Variants in UNC80 observed in about 807,000 individuals in gnomAD.
UNC80 encodes the protein unc-80 subunit of NALCN channel complex, also known as protein unc-80 homolog.
In UNC80, 164 loss-of-function variants were observed where a neutral mutation model predicts 384.6. The ratio of observed to expected loss-of-function variants is 0.43; its 90% confidence interval spans 0.38 to 0.49. UNC80 has a LOEUF of 0.49. UNC80 is among the 20% of genes least tolerant of loss of function. The pLI, the probability that UNC80 is intolerant of heterozygous loss-of-function variation, is 0.00. For missense variants in UNC80, 3,330 were observed against 4,143.0 expected, an observed-to-expected ratio of 0.80 and a Z score of 5.39; for synonymous variants, 1,486 against 1,527.8, an observed-to-expected ratio of 0.97 and a Z score of 0.64.
intron 5 of UNC80, among the ~76,000 whole-genome samples, chr2:209,787,158 A>AT (rs1559088597): frequency 1.2e-4 from 19 of 152,210 alleles, no homozygotes; most frequent in East Asian, 5.8e-4. Flanking sequence ...CTAAGAAACC[A>AT]GACTCAGCTT....
At chr2:209,879,705 G>T (rs1451772120) in intron 24 of UNC80, among the ~76,000 whole-genome samples, 1 of 152,112 alleles carries the variant, frequency 6.6e-6, no homozygotes, top group African/African-American at 2.4e-5. Flanking sequence ...CTGATTTTTA[G>T]TTCCACTTTC....
At position 209,996,887 on chromosome 2, in the gene UNC80, T is replaced by C. The variant is rs974203995; in HGVS notation, c.*1292T>C. The C allele has an allele frequency of 6.6e-6, 1 of 152,102 alleles. No homozygotes were observed. The highest frequency in any genetic ancestry group is 1.5e-5 in the Non-Finnish European group (1 of 68,002). The allele number at this position is 152,102 out of a possible 1,614,324, so 9.4% of individuals were successfully genotyped here. On this transcript the variant is annotated 3_prime_UTR_variant, in exon 65 of 65. Transcript: ENST00000673920. ...ATACTTAAATTGGTACGGTGGTGTA[T>C]GTGTGCGTGCGTGTGTGTGTGTATG...
In UNC80 at chr2:209,967,648, C is replaced by G. The variant is rs1166827111; in HGVS notation, c.8006+11C>G. On this transcript the variant is annotated intron_variant, in intron 52 of 64. Transcript: ENST00000673920. ...GATGCCTACTTTGAGGTGAGAATGC[C>G]TCCGAGTTAGCTGTTGCTATCACAA... is the stretch of plus-strand genomic sequence containing the variant. 1 of 1,550,328 alleles carries G rather than the reference C, an allele frequency of 6.5e-7. No individual in the cohort carries two copies. The highest frequency in any genetic ancestry group is 8.7e-7 in the Non-Finnish European group (1 of 1,146,082).
chr2:209,807,501 A>T (rs1412710514), intron 7 of UNC80, among the ~76,000 whole-genome samples: 3 of 151,580 alleles, frequency 2.0e-5, no homozygotes, highest in Non-Finnish European at 4.4e-5. Context: ...AGTAGCTGGG[A>T]CTATAGGCGC....
At chr2:209,918,748 T>A in intron 33 of UNC80, 85 bp downstream of exon 33, 1 of 1,376,800 alleles carries the variant, frequency 7.3e-7, no homozygotes, top group South Asian at 1.8e-5. Flanking sequence ...ATTCTCATCA[T>A]AAGAATGTAA....
intron 53 of UNC80, chr2:209,970,286 G>A (rs1460839595): frequency 5.1e-6 from 1 of 194,708 alleles, no homozygotes; most frequent in Non-Finnish European, 1.0e-5. Flanking sequence ...ATGACACTAT[G>A]AGTTGGCCAG....
At chr2:209,916,161 A>G (rs1286249669) in intron 31 of UNC80, among the ~76,000 whole-genome samples, 1 of 152,182 alleles carries the variant, frequency 6.6e-6, no homozygotes, top group East Asian at 1.9e-4. Flanking sequence ...GTTGGTATAC[A>G]TGGCAGCTGA....
At chr2:209,876,955 G>A (rs1036132427) in intron 23 of UNC80, among the ~76,000 whole-genome samples, 6 of 152,096 alleles carry the variant, frequency 3.9e-5, no homozygotes, top group Non-Finnish European at 8.8e-5. Flanking sequence ...TGAGCATGTT[G>A]GTTTTCAGTA....
intron 6 of UNC80, among the ~76,000 whole-genome samples, chr2:209,789,900 A>G (rs939350367): frequency 1.3e-5 from 2 of 152,080 alleles, no homozygotes; most frequent in South Asian, 2.1e-4. Context: ...GTAACACTCA[A>G]TAAGTGTTAG....
chr2:209,791,449 C>CTATTATCTCTAACTTA (rs2077792405), intron 6 of UNC80, among the ~76,000 whole-genome samples: 1 of 152,132 alleles, frequency 6.6e-6, no homozygotes, highest in South Asian at 2.1e-4. Context: ...AGTCAGTTAT[C>CTATTATCTCTAACTTA]TATTATCTCT....
Position 209,973,250 on chromosome 2 carries a change from C to T in UNC80, c.8567C>T (p.Thr2856Ile). Reference sequence around the variant, plus strand: ...CGCAGGGAAGGGCTGGCTGAGTCCACCAGCCAAGCAGCATACTTGGGTTGG... The same window carrying T: ...CGCAGGGAAGGGCTGGCTGAGTCCATCAGCCAAGCAGCATACTTGGGTTGG... ...DLRREGLAES[T>I]SQAAYLALKV... The change falls in exon 56 of 65, where the codon ACC becomes ATC. Residue 2856 changes from threonine to isoleucine, a missense_variant. Physicochemically the swap from Thr to Ile is moderately conservative, Grantham distance 89 (BLOSUM62 -1). Coordinates refer to ENST00000673920, the MANE Select transcript of UNC80 (RefSeq NM_001371986.1). The T allele has an allele frequency of 6.4e-7, 1 of 1,551,638 alleles. No individual in the cohort carries two copies. Among genetic ancestry groups the T allele is most frequent in the South Asian group, 1.2e-5 (1 of 84,046 alleles).
intron 56 of UNC80, among the ~76,000 whole-genome samples, chr2:209,974,322 C>A (rs2092955484): frequency 6.6e-6 from 1 of 152,024 alleles, no homozygotes; most frequent in South Asian, 2.1e-4. Context: ...TAGGACTAAC[C>A]CATATGGATG....
At chr2:209,951,851 A>G (rs1164143719) in intron 47 of UNC80, among the ~76,000 whole-genome samples, 1 of 151,794 alleles carries the variant, frequency 6.6e-6, no homozygotes, top group African/African-American at 2.4e-5. Context: ...CTCCTTAACC[A>G]CATGCTCTAT....
chr2:209,901,185 C>T (rs2087356838), intron 28 of UNC80, among the ~76,000 whole-genome samples: 2 of 152,134 alleles, frequency 1.3e-5, no homozygotes, highest in African/African-American at 4.8e-5. Flanking sequence ...CTGGGACTTT[C>T]GTAGCTAGAG....
At chr2:209,981,357 C>G (rs1416376708) in intron 59 of UNC80, among the ~76,000 whole-genome samples, 1 of 152,208 alleles carries the variant, frequency 6.6e-6, no homozygotes, top group East Asian at 1.9e-4. Context: ...GCGGGTGGAT[C>G]ACCTGAGGTC....
intron 56 of UNC80, among the ~76,000 whole-genome samples, chr2:209,974,642 C>G (rs1343402267): frequency 6.6e-6 from 1 of 152,270 alleles, no homozygotes; most frequent in Non-Finnish European, 1.5e-5. Context: ...ATTGAATCCT[C>G]TCATCTTCTC....
intron 7 of UNC80, 104 bp downstream of exon 7, chr2:209,793,963 T>C: frequency 7.5e-7 from 1 of 1,333,518 alleles, no homozygotes; most frequent in Non-Finnish European, 1.0e-6. Flanking sequence ...AATATGTATT[T>C]GCATAATATG....
In UNC80 at chr2:209,840,664, C is replaced by G; in HGVS notation, c.3357+16C>G. The G allele has an allele frequency of 6.5e-7, 1 of 1,545,552 alleles. No homozygotes were observed. Among genetic ancestry groups the G allele is most frequent in the Non-Finnish European group, 8.8e-7 (1 of 1,141,174 alleles). ...AAGCTCCAAGGTAAACAGGACATAA[C>G]TTGTGTAAGTGACTGTTGAAGTCGC... On this transcript the variant is annotated intron_variant, in intron 20 of 64. Transcript: ENST00000673920.
At chr2:209,918,246 T>C (rs2089721154) in intron 32 of UNC80, among the ~76,000 whole-genome samples, 1 of 152,228 alleles carries the variant, frequency 6.6e-6, no homozygotes, top group Non-Finnish European at 1.5e-5. Flanking sequence ...CATTTTGCTA[T>C]ATATAAACTT....
Sources: allele counts gnomAD v4.1 joint callset (sites outside exome capture counted in the v4.1 genomes callset), GRCh38; gene constraint gnomAD v4.1.1; transcripts MANE v1.5; gene names NCBI Gene and HGNC (gene_info 2026-07-23, HGNC 2026-07-21).